The following SND1 variants were observed in gnomAD, a reference collection of about 807,000 sequenced individuals.
SND1 encodes the protein staphylococcal nuclease domain-containing protein 1.
A neutral mutation model predicts 121.7 loss-of-function variants in SND1; 38 were observed. The observed-to-expected ratio is 0.31, with a 90% CI of 0.24 to 0.41. The LOEUF (loss-of-function observed/expected upper bound fraction) is 0.41. SND1 is among the 10% of genes least tolerant of loss of function. The probability of loss-of-function intolerance (pLI) is 1.00; values close to 1 mark genes in which losing one functional copy is unlikely to be tolerated. For synonymous variants in SND1, 401 were observed against 447.4 expected, an observed-to-expected ratio of 0.90 and a Z score of 1.31; for missense variants, 868 against 1,184.6, an observed-to-expected ratio of 0.73 and a Z score of 3.92.
At chr7:127,768,251 A>G (rs901714271) in intron 10 of SND1, among the ~76,000 whole-genome samples, 1 of 152,066 alleles carries the variant, frequency 6.6e-6, no homozygotes, top group African/African-American at 2.4e-5. Flanking sequence ...CTACTTTTCT[A>G]TCTTGTTCAC....
intron 15 of SND1, among the ~76,000 whole-genome samples, chr7:127,931,561 T>C (rs146111032): frequency 9.4e-4 from 143 of 152,346 alleles, no homozygotes; most frequent in African/African-American, 3.3e-3. Flanking sequence ...TGAAGGTGGC[T>C]ACACCAAACA....
chr7:127,692,993 G>T (rs774000742), intron 2 of SND1, among the ~76,000 whole-genome samples: 4 of 152,218 alleles, frequency 2.6e-5, no homozygotes, highest in Non-Finnish European at 5.9e-5. Flanking sequence ...TTTCACCAAA[G>T]TCTTGGCCTC....
rs1802987793 is a variant in SND1 at position 128,006,802 on chromosome 7, AAGAGAACCCTG to A, written c.1779+15747_1779+15757del. Among the ~76,000 whole-genome samples the A allele has an allele frequency of 4.6e-5, 7 of 152,306 alleles. No individual in the cohort carries two copies. In the South Asian group the frequency reaches 1.5e-3, roughly 32 times the overall value. On this transcript the variant is annotated intron_variant, in intron 16 of 23. Coordinates refer to ENST00000354725, the MANE Select transcript of SND1 (RefSeq NM_014390.4). Reference sequence around the variant, plus strand: ...AGGCTGCATTTGGAGGGCTACCTGGAAGAGAACCCTGCTCAGCCACTTACCTGAGTGGGCAG... The same window carrying A: ...AGGCTGCATTTGGAGGGCTACCTGGACTCAGCCACTTACCTGAGTGGGCAG...
chr7:127,898,612 G>A (rs1040983345), intron 13 of SND1, among the ~76,000 whole-genome samples: 3 of 152,058 alleles, frequency 2.0e-5, no homozygotes, highest in East Asian at 1.9e-4. Flanking sequence ...GAAGTGCTTC[G>A]GAAGTTTACC....
intron 16 of SND1, among the ~76,000 whole-genome samples, chr7:128,073,364 G>C (rs1793447181): frequency 6.6e-6 from 1 of 152,086 alleles, no homozygotes; most frequent in African/African-American, 2.4e-5. Flanking sequence ...CCTCTTGAAG[G>C]ATCAAATGTG....
intron 10 of SND1, among the ~76,000 whole-genome samples, chr7:127,801,689 G>T (rs976562212): frequency 6.6e-6 from 1 of 151,908 alleles, no homozygotes; most frequent in African/African-American, 2.4e-5. Flanking sequence ...CCTTATCTTC[G>T]CTCTGCCGCC....
intron 16 of SND1, among the ~76,000 whole-genome samples, chr7:128,019,181 G>T (rs570738083): frequency 2.0e-5 from 3 of 152,172 alleles, no homozygotes; most frequent in Non-Finnish European, 4.4e-5. Flanking sequence ...CTGGTCCAGA[G>T]AATCTGCCCA....
At chr7:127,852,286 G>A (rs1024336162) in intron 12 of SND1, among the ~76,000 whole-genome samples, 16 of 151,910 alleles carry the variant, frequency 1.1e-4, no homozygotes, top group Admixed American at 6.6e-5. Context: ...TTTGAGGCCA[G>A]GAGTTCAGAC....
chr7:127,733,431 A>C (rs1345080184), intron 10 of SND1, among the ~76,000 whole-genome samples: 1 of 152,086 alleles, frequency 6.6e-6, no homozygotes, highest in Admixed American at 6.5e-5. Flanking sequence ...AACAGTTCTG[A>C]AGCTGAGGAG....
chr7:127,653,058 A>G (rs780722965), intron 1 of SND1, among the ~76,000 whole-genome samples: 2 of 152,190 alleles, frequency 1.3e-5, no homozygotes, highest in African/African-American at 4.8e-5. Context: ...TCCCTTAAAG[A>G]TAAGGAGATA....
At chr7:127,746,530 C>T (rs1263943465) in intron 10 of SND1, among the ~76,000 whole-genome samples, 1 of 152,108 alleles carries the variant, frequency 6.6e-6, no homozygotes, top group Non-Finnish European at 1.5e-5. Flanking sequence ...ACAGACTCAT[C>T]AGAGGAGGGC....
intron 1 of SND1, among the ~76,000 whole-genome samples, chr7:127,677,527 T>C (rs1389015556): frequency 2.6e-5 from 4 of 152,214 alleles, no homozygotes; most frequent in Non-Finnish European, 5.9e-5. Context: ...TCTCACTCGC[T>C]TGTCATAATG....
intron 10 of SND1, among the ~76,000 whole-genome samples, chr7:127,762,409 C>T (rs1170854936): frequency 1.3e-5 from 2 of 152,214 alleles, no homozygotes; most frequent in African/African-American, 4.8e-5. Context: ...TCTTCATGTC[C>T]TCTCTGCACA....
At chr7:128,028,605 T>C (rs1803550714) in intron 16 of SND1, 1 of 1,399,264 alleles carries the variant, frequency 7.1e-7, no homozygotes, top group Admixed American at 2.1e-5. Context: ...AAAAAGTCTC[T>C]CCCCACTCTG....
intron 15 of SND1, among the ~76,000 whole-genome samples, chr7:127,949,487 A>G: frequency 6.6e-6 from 1 of 152,190 alleles, no homozygotes; most frequent in East Asian, 1.9e-4. Context: ...ATTAAATTCA[A>G]AACTGAATCA....
At chr7:127,794,992 A>G (rs1797989346) in intron 10 of SND1, among the ~76,000 whole-genome samples, 1 of 152,214 alleles carries the variant, frequency 6.6e-6, no homozygotes, top group African/African-American at 2.4e-5. Context: ...TTTGTCTTTG[A>G]AGGCTTCTTT....
rs1239413327 is a variant in SND1, at chr7:128,065,440, C to T, written c.1780-9062C>T. Among the ~76,000 whole-genome samples the T allele has an allele frequency of 3.3e-5, 5 of 152,354 alleles. No individual in the cohort carries two copies. The East Asian group carries it at 9.7e-4, about 29-fold the overall frequency. On this transcript the variant is annotated intron_variant, in intron 16 of 23. Coordinates refer to ENST00000354725, the MANE Select transcript of SND1 (RefSeq NM_014390.4). ...CAGGGCAGGGGTCTGTACCATCCCACAGCAGGCCTTGAGGTCAGTTATATA... is the reference window on the plus strand; with the variant it reads ...CAGGGCAGGGGTCTGTACCATCCCATAGCAGGCCTTGAGGTCAGTTATATA...
At chr7:127,910,626 A>G (rs1032286645) in intron 14 of SND1, among the ~76,000 whole-genome samples, 2 of 151,994 alleles carry the variant, frequency 1.3e-5, no homozygotes, top group African/African-American at 4.8e-5. Flanking sequence ...TATGATTCTA[A>G]TGTTCCTTTC....
At chr7:127,926,720 T>TTGTTGTTGTTGTTGTTG (rs1554443863) in intron 14 of SND1, among the ~76,000 whole-genome samples, 6 of 142,760 alleles carry the variant, frequency 4.2e-5, no homozygotes, top group Admixed American at 2.1e-4. Context: ...ACCCGGCTAT[T>TTGTTGTTGTTGTTGTTG]TTGTTGTTGT....
Sources: allele counts gnomAD v4.1 joint callset (sites outside exome capture counted in the v4.1 genomes callset), GRCh38; gene constraint gnomAD v4.1.1; transcripts MANE v1.5; gene names NCBI Gene and HGNC (gene_info 2026-07-23, HGNC 2026-07-21).